Variants in GCNT1 observed in about 807,000 individuals in gnomAD.
GCNT1 encodes glucosaminyl (N-acetyl) transferase 1.
Under a neutral mutation model 26.2 loss-of-function variants are expected in GCNT1, and 16 were observed. That is an observed-to-expected ratio of 0.61 (90% CI 0.41 to 0.93). The LOEUF (loss-of-function observed/expected upper bound fraction) is 0.93, where lower values mean the gene tolerates loss of function less well. Ranked by LOEUF, GCNT1 falls within the 40% of genes least tolerant of loss-of-function variation. The pLI is 0.00. For missense variants in GCNT1, 477 were observed against 526.7 expected (o/e 0.91, Z 0.92); for synonymous variants, 183 against 190.8 (o/e 0.96, Z 0.34).
At position 76,502,392 on chromosome 9, in the gene GCNT1, C is replaced by T. The variant is rs767880375; in HGVS notation, c.11C>T (p.Thr4Met). Residue 4 changes from threonine (T) to methionine (M), a missense_variant, in exon 4 of 4, where the codon ACG becomes ATG. By Grantham distance (81) the Thr-to-Met change is moderately conservative. Coordinates refer to ENST00000376730, the MANE Select transcript of GCNT1 (RefSeq NM_001490.5). MLR[T>M]LLRRRLFSYP... ...TGATTATTGTTTGAAATGCTGAGGA[C>T]GTTGCTGCGAAGGAGACTTTTTTCT... 18 of 1,608,542 alleles carry T rather than the reference C, an allele frequency of 1.1e-5. 1 individual carries two copies. Among genetic ancestry groups the T allele is most frequent in the South Asian group, 4.4e-5 (4 of 90,904 alleles).
chr9:76,484,531 C>T (rs1587444319), intron 2 of GCNT1, among the ~76,000 whole-genome samples: 1 of 152,060 alleles, frequency 6.6e-6, no homozygotes, highest in East Asian at 1.9e-4. Flanking sequence ...ATCTCTTTTA[C>T]TGTTTGACTT....
chr9:76,494,692 TA>T (rs1469969081), intron 2 of GCNT1, among the ~76,000 whole-genome samples: 28 of 152,310 alleles, frequency 1.8e-4, no homozygotes, highest in Non-Finnish European at 3.8e-4. Flanking sequence ...GAGTGGTTTT[TA>T]TAATAGGGAC....
At chr9:76,478,809 G>T (rs917383501) in intron 2 of GCNT1, among the ~76,000 whole-genome samples, 7 of 152,202 alleles carry the variant, frequency 4.6e-5, no homozygotes, top group Non-Finnish European at 8.8e-5. Flanking sequence ...GGGAATTAAT[G>T]AAATTTGTAT....
At chr9:76,462,119 T>C (rs977989928) in intron 2 of GCNT1, among the ~76,000 whole-genome samples, 2 of 149,838 alleles carry the variant, frequency 1.3e-5, no homozygotes, top group African/African-American at 5.0e-5. Flanking sequence ...TTCTATGAAG[T>C]GTGTGGTATT....
intron 1 of GCNT1, among the ~76,000 whole-genome samples, chr9:76,430,046 T>C (rs1823314816): frequency 6.6e-6 from 1 of 152,164 alleles, no homozygotes; most frequent in African/African-American, 2.4e-5. Flanking sequence ...TTTGCAAATG[T>C]CCCATTAGCC....
chr9:76,410,675 TG>T, the GCNT1 span, among the ~76,000 whole-genome samples: 2 of 152,244 alleles, frequency 1.3e-5, no homozygotes, highest in African/African-American at 4.8e-5. Context: ...TTATCTATCT[TG>T]TTCCATTTGA....
intron 1 of GCNT1, among the ~76,000 whole-genome samples, chr9:76,443,035 G>C (rs925417610): frequency 1.3e-5 from 2 of 152,094 alleles, no homozygotes; most frequent in Admixed American, 1.3e-4. Context: ...GGTAGCAATG[G>C]AGATGGGTAA....
chr9:76,409,710 T>A, the GCNT1 span, among the ~76,000 whole-genome samples: 1 of 152,174 alleles, frequency 6.6e-6, no homozygotes, highest in Non-Finnish European at 1.5e-5. Flanking sequence ...CCTCCCAAAG[T>A]GCTGGAATTG....
rs1179508440 is a variant in GCNT1, at chr9:76,503,583, A to G, written c.1202A>G (p.Lys401Arg). 1 of 1,614,068 alleles carries G rather than the reference A, an allele frequency of 6.2e-7. No homozygotes were observed. Among genetic ancestry groups the G allele is most frequent in the Non-Finnish European group, 8.5e-7 (1 of 1,180,032 alleles). ...MLRKHHLFAN[K>R]FDVDVDLFAI... ...CGCAAACACCACTTGTTTGCCAATA[A>G]GTTTGACGTGGATGTTGACCTCTTT... The change falls in exon 4 of 4, where the codon AAG (lysine) becomes AGG (arginine). Residue 401 changes from lysine to arginine, a missense_variant. By Grantham distance (26) the Lys-to-Arg change is conservative. Transcript: ENST00000376730.
At chr9:76,473,664 G>T (rs1048939774) in intron 2 of GCNT1, among the ~76,000 whole-genome samples, 1 of 152,114 alleles carries the variant, frequency 6.6e-6, no homozygotes, top group African/African-American at 2.4e-5. Context: ...CAACAAAAAC[G>T]CTGAAGCTAG....
intron 2 of GCNT1, among the ~76,000 whole-genome samples, chr9:76,490,691 G>C (rs888450694): frequency 2.0e-5 from 3 of 152,218 alleles, no homozygotes; most frequent in African/African-American, 7.2e-5. Context: ...GATTCTGTAA[G>C]TACTTTAAGG....
Position 76,504,820 on chromosome 9 carries a change from C to T in GCNT1, c.*1152C>T. 1 of 413,488 alleles carries T rather than the reference C, an allele frequency of 2.4e-6. No homozygotes were observed. The highest frequency in any genetic ancestry group is 4.4e-6 in the Non-Finnish European group (1 of 226,156). The allele number at this position is 413,488 out of a possible 1,614,324, so 25.6% of individuals were successfully genotyped here. ...TGCCCCCTGGGTGGTAAGTTTCCTC[C>T]TTTCTCAACCTTCCACGAGGAGGAA... On this transcript the variant is annotated 3_prime_UTR_variant, in exon 4 of 4. Transcript: ENST00000376730.
At chr9:76,473,744 C>T (rs545721054) in intron 2 of GCNT1, among the ~76,000 whole-genome samples, 3 of 152,220 alleles carry the variant, frequency 2.0e-5, no homozygotes, top group South Asian at 4.2e-4. Flanking sequence ...TGGGGCAGTC[C>T]GGTTGGAGAG....
intron 2 of GCNT1, among the ~76,000 whole-genome samples, chr9:76,467,211 T>G (rs958698509): frequency 1.3e-5 from 2 of 152,036 alleles, no homozygotes; most frequent in Non-Finnish European, 2.9e-5. Context: ...CCCAGCTAAT[T>G]TTTTGTATTT....
At chr9:76,408,531 G>A in the GCNT1 span, among the ~76,000 whole-genome samples, 1 of 151,692 alleles carries the variant, frequency 6.6e-6, no homozygotes, top group Non-Finnish European at 1.5e-5. Context: ...ACACATTGTT[G>A]GATTTAACTT....
rs1207697236 is a variant in GCNT1 at position 76,421,694 on chromosome 9, T to G, written n.38+1807T>G. On this transcript the variant is annotated intron_variant and non_coding_transcript_variant, in intron 1 of 3. Coordinates refer to the GCNT1 transcript ENST00000488136. ...ACTCAATTTGTTTGTAGGTTGTTTT[T>G]TTTTTTTTTTTTTTTTTTGGAAATG... Among the ~76,000 whole-genome samples the G allele has an allele frequency of 9.0e-4, 124 of 137,684 alleles. 3 individuals are homozygous for G. Among genetic ancestry groups the G allele is most frequent in the African/African-American group, 3.2e-3 (117 of 37,028 alleles). 90.3% of individuals were successfully genotyped at this position (137,684 alleles called of 152,430 possible).
At chr9:76,453,890 G>T (rs1360542009) in intron 1 of GCNT1, among the ~76,000 whole-genome samples, 1 of 152,050 alleles carries the variant, frequency 6.6e-6, no homozygotes, top group Admixed American at 6.5e-5. Context: ...AATGAGAACT[G>T]TCAAATAAAA....
In GCNT1 at chr9:76,502,953, G is replaced by T; in HGVS notation, c.572G>T (p.Ser191Ile). The change falls in exon 4 of 4, where the codon AGC becomes ATC. Residue 191 changes from serine to isoleucine, a missense_variant. Transcript: ENST00000376730. The stretch of plus-strand genomic sequence containing the variant: ...GAGAGTGTGGTTTATGCATCGTGGA[G>T]CCGGGTTCAGGCTGACCTCAACTGC... ...RLESVVYASW[S>I]RVQADLNCMK... is the part of the protein sequence containing the mutation. 2 of 1,612,916 alleles carry T rather than the reference G, an allele frequency of 1.2e-6. No homozygotes were observed. Among genetic ancestry groups the T allele is most frequent in the Non-Finnish European group, 8.5e-7 (1 of 1,179,978 alleles).
intron 1 of GCNT1, among the ~76,000 whole-genome samples, chr9:76,445,316 A>T (rs1423626761): frequency 6.6e-6 from 1 of 152,108 alleles, no homozygotes; most frequent in African/African-American, 2.4e-5. Context: ...TTATCACTGT[A>T]TGAAAAGATG....
Sources: gnomAD v4.1 joint callset for allele counts (sites outside exome capture counted in the v4.1 genomes callset) on GRCh38, gnomAD v4.1.1 for gene constraint, MANE v1.5 for transcripts, NCBI Gene and HGNC (gene_info 2026-07-23, HGNC 2026-07-21) for gene names.